OSBPL8: variants seen among roughly 807,000 people sequenced by gnomAD.
The protein encoded by OSBPL8 is oxysterol-binding protein-related protein 8.
OSBPL8 carries 59 observed loss-of-function variants against 125.5 expected under a neutral mutation model. The observed-to-expected ratio is 0.47, with a 90% CI of 0.38 to 0.58. The LOEUF (loss-of-function observed/expected upper bound fraction) is 0.58, where lower values mean the gene tolerates loss of function less well. OSBPL8 is among the 20% of genes least tolerant of loss of function. OSBPL8 has a pLI of 0.00. For synonymous variants in OSBPL8, 330 were observed against 338.9 expected (o/e 0.97, Z 0.29); for missense variants, 758 against 1,047.8 (o/e 0.72, Z 3.82).
chr12:76,524,119 T>G (rs1592848631), intron 1 of OSBPL8, among the ~76,000 whole-genome samples: 2 of 152,124 alleles, frequency 1.3e-5, no homozygotes, highest in Admixed American at 6.5e-5. Context: ...CTAAGATGAA[T>G]GAATGAATCC....
intron 6 of OSBPL8, among the ~76,000 whole-genome samples, chr12:76,402,454 T>A (rs1030267571): frequency 3.9e-5 from 6 of 152,214 alleles, no homozygotes; most frequent in African/African-American, 1.4e-4. Flanking sequence ...GCCTCTGCAG[T>A]TGCCATTTGA....
intron 4 of OSBPL8, among the ~76,000 whole-genome samples, chr12:76,417,530 C>T (rs908225912): frequency 2.0e-5 from 3 of 152,098 alleles, no homozygotes; most frequent in Non-Finnish European, 4.4e-5. Context: ...CATGCCTCAA[C>T]TTCTTTATTT....
intron 1 of OSBPL8, among the ~76,000 whole-genome samples, chr12:76,534,587 G>A (rs748048473): frequency 2.0e-5 from 3 of 152,102 alleles, no homozygotes; most frequent in Non-Finnish European, 4.4e-5. Flanking sequence ...TAACAAGCAG[G>A]AAGTCCCTGG....
At chr12:76,399,765 C>G in intron 7 of OSBPL8, 108 bp downstream of exon 7, 1 of 686,768 alleles carries the variant, frequency 1.5e-6, no homozygotes, top group African/African-American at 1.8e-5. Context: ...GAAAAACAAT[C>G]ATTTTAGGAG....
intron 1 of OSBPL8, among the ~76,000 whole-genome samples, chr12:76,493,863 G>T (rs763350855): frequency 6.6e-6 from 1 of 152,042 alleles, no homozygotes; most frequent in Admixed American, 6.6e-5. Context: ...CCCTAAATCT[G>T]TAGGCTTTTC....
rs1951848891 is a variant in OSBPL8, at chr12:76,352,206, A to T, written c.*3683T>A. On this transcript the variant is annotated 3_prime_UTR_variant, in exon 24 of 24. Transcript: ENST00000261183. ...TGGCATTTTTTTTCTTTAAGTGAAA[A>T]ATTTTGATACTGTAAAACAGTTTTA... 1 of 152,568 alleles carries T rather than the reference A, an allele frequency of 6.6e-6. No individual in the cohort carries two copies. Among genetic ancestry groups the T allele is most frequent in the African/African-American group, 2.4e-5 (1 of 41,440 alleles). The allele number at this position is 152,568 out of a possible 1,614,324, so 9.5% of individuals were successfully genotyped here. A position where few individuals can be genotyped will look rare whatever the true frequency, so the allele number is the denominator to read the frequency against.
At chr12:76,499,327 T>TATCTATCTATCTATCTATCC (rs1565947197) in intron 1 of OSBPL8, among the ~76,000 whole-genome samples, 2 of 114,306 alleles carry the variant, frequency 1.7e-5, no homozygotes, top group East Asian at 4.0e-4. Flanking sequence ...TCTATCTATC[T>TATCTATCTATCTATCTATCC]ATCTATCTAT....
chr12:76,528,900 T>A (rs922861542), intron 1 of OSBPL8, among the ~76,000 whole-genome samples: 3 of 152,032 alleles, frequency 2.0e-5, no homozygotes, highest in African/African-American at 4.8e-5. Flanking sequence ...CTTTAAAATT[T>A]CATCAAATTT....
chr12:76,558,418 T>C (rs931915856), intron 1 of OSBPL8, among the ~76,000 whole-genome samples: 1 of 152,186 alleles, frequency 6.6e-6, no homozygotes. Context: ...AAAACTGTTT[T>C]AAAGGATTAT....
chr12:76,372,250 G>A (rs1278107089), intron 18 of OSBPL8, among the ~76,000 whole-genome samples: 1 of 151,934 alleles, frequency 6.6e-6, no homozygotes, highest in Non-Finnish European at 1.5e-5. Flanking sequence ...TTCTCACCCA[G>A]GCTGGAGGGC....
At chr12:76,480,526 T>C (rs1466593536) in intron 2 of OSBPL8, among the ~76,000 whole-genome samples, 1 of 152,196 alleles carries the variant, frequency 6.6e-6, no homozygotes, top group Admixed American at 6.5e-5. Flanking sequence ...ATACAAACTG[T>C]TAGAGTTAGC....
chr12:76,436,514 C>CAA (rs568720307), intron 4 of OSBPL8, among the ~76,000 whole-genome samples: 2 of 143,798 alleles, frequency 1.4e-5, no homozygotes, highest in African/African-American at 2.5e-5. Flanking sequence ...AAGACACATT[C>CAA]AAAAAAAAAA....
intron 2 of OSBPL8, 88 bp from the exon 3 acceptor site, chr12:76,459,983 C>T: frequency 7.9e-7 from 1 of 1,262,502 alleles, no homozygotes; most frequent in South Asian, 1.2e-5. Flanking sequence ...AGCAGTGAAA[C>T]AAAAGGACAA....
intron 4 of OSBPL8, among the ~76,000 whole-genome samples, chr12:76,428,016 AGT>A (rs1870354452): frequency 6.6e-6 from 1 of 152,086 alleles, no homozygotes; most frequent in East Asian, 1.9e-4. Context: ...TGTTTTGGGT[AGT>A]GATATAAAAT....
intron 4 of OSBPL8, among the ~76,000 whole-genome samples, chr12:76,431,481 G>T (rs1048275615): frequency 6.6e-6 from 1 of 152,042 alleles, no homozygotes; most frequent in African/African-American, 2.4e-5. Context: ...GTCACTGAAT[G>T]AATTAAAAAC....
At chr12:76,510,542 C>T (rs1880864474) in intron 1 of OSBPL8, among the ~76,000 whole-genome samples, 1 of 152,160 alleles carries the variant, frequency 6.6e-6, no homozygotes. Flanking sequence ...TACTGCTTCA[C>T]TGTCGGTTAT....
At chr12:76,385,111 C>G (rs948276577) in intron 14 of OSBPL8, among the ~76,000 whole-genome samples, 1 of 152,118 alleles carries the variant, frequency 6.6e-6, no homozygotes, top group African/African-American at 2.4e-5. Flanking sequence ...ATGAGACAAA[C>G]TAAAATCAGC....
intron 10 of OSBPL8, 65 bp downstream of exon 10, chr12:76,392,516 C>A: frequency 4.1e-6 from 6 of 1,449,928 alleles, no homozygotes; most frequent in Non-Finnish European, 4.7e-6. Context: ...TCTAGGCCTG[C>A]CAACTAATTT....
intron 3 of OSBPL8, among the ~76,000 whole-genome samples, chr12:76,451,290 A>G (rs940863341): frequency 6.6e-6 from 1 of 151,988 alleles, no homozygotes; most frequent in African/African-American, 2.4e-5. Context: ...TCATTGTGCT[A>G]TTTATTCTTT....
Sources: allele counts gnomAD v4.1 joint callset (sites outside exome capture counted in the v4.1 genomes callset), GRCh38; gene constraint gnomAD v4.1.1; transcripts MANE v1.5; gene names NCBI Gene and HGNC (gene_info 2026-07-23, HGNC 2026-07-21).